PTPRE: variants seen among roughly 807,000 people sequenced by gnomAD.
PTPRE encodes the protein protein tyrosine phosphatase receptor type E.
A neutral mutation model predicts 102.0 loss-of-function variants in PTPRE; 51 were observed. The ratio of observed to expected loss-of-function variants is 0.50; its 90% confidence interval spans 0.40 to 0.63. PTPRE has a LOEUF of 0.63. PTPRE is among the 30% of genes least tolerant of loss of function. The pLI, the probability that PTPRE is intolerant of heterozygous loss-of-function variation, is 0.00. For missense variants in PTPRE, 752 were observed against 915.1 expected, an observed-to-expected ratio of 0.82 and a Z score of 2.30; for synonymous variants, 345 against 348.2, an observed-to-expected ratio of 0.99 and a Z score of 0.10.
At chr10:127,930,201 C>T (rs966866853) in intron 1 of PTPRE, among the ~76,000 whole-genome samples, 11 of 151,864 alleles carry the variant, frequency 7.2e-5, no homozygotes, top group African/African-American at 2.2e-4. Flanking sequence ...AGTTGTATAA[C>T]CAGTAACACT....
At chr10:128,066,462 G>A (rs559049397) in intron 11 of PTPRE, among the ~76,000 whole-genome samples, 3 of 152,242 alleles carry the variant, frequency 2.0e-5, no homozygotes, top group Non-Finnish European at 4.4e-5. Context: ...AGGAAGACCA[G>A]TCATTGGAGG....
chr10:127,981,939 GA>G (rs1188056618), intron 1 of PTPRE, among the ~76,000 whole-genome samples: 1 of 152,162 alleles, frequency 6.6e-6, no homozygotes. Context: ...CTGGGGGGAG[GA>G]TGGGCTAAAG....
At chr10:127,949,729 G>A (rs551424619) in intron 1 of PTPRE, among the ~76,000 whole-genome samples, 24 of 152,228 alleles carry the variant, frequency 1.6e-4, no homozygotes, top group Middle Eastern at 3.4e-3. Context: ...CTTCTCTCCC[G>A]TAGCCACAGG....
chr10:128,048,341 C>T (rs751933836), intron 5 of PTPRE, among the ~76,000 whole-genome samples: 1 of 152,158 alleles, frequency 6.6e-6, no homozygotes, highest in African/African-American at 2.4e-5. Flanking sequence ...TACAAAGGAA[C>T]ATTGTTTTTC....
intron 1 of PTPRE, among the ~76,000 whole-genome samples, chr10:127,982,018 G>T (rs898402028): frequency 6.6e-6 from 1 of 152,114 alleles, no homozygotes; most frequent in African/African-American, 2.4e-5. Context: ...AGCATCTTGG[G>T]GGCTAGGTCA....
intron 2 of PTPRE, among the ~76,000 whole-genome samples, chr10:128,027,482 T>C (rs540437336): frequency 7.7e-4 from 117 of 152,264 alleles, no homozygotes; most frequent in African/African-American, 2.7e-3. Context: ...AGGAATGCCA[T>C]TTCCCTGCTG....
chr10:127,986,312 G>T (rs1852087933), intron 2 of PTPRE, among the ~76,000 whole-genome samples: 1 of 152,156 alleles, frequency 6.6e-6, no homozygotes, highest in Non-Finnish European at 1.5e-5. Flanking sequence ...AACTCTGTGG[G>T]TCTCTCGCAT....
intron 1 of PTPRE, among the ~76,000 whole-genome samples, chr10:127,918,550 C>T (rs1243404483): frequency 6.9e-6 from 1 of 145,706 alleles, no homozygotes; most frequent in African/African-American, 2.5e-5. Context: ...CAGAGCGAGA[C>T]TCCATCTCAA....
rs527382760 is a variant in PTPRE, at chr10:127,976,416, T to C, written c.-30-5858T>C. Among the ~76,000 whole-genome samples the C allele has an allele frequency of 2.7e-4, 41 of 152,288 alleles. 1 individual carries two copies. The highest frequency in any genetic ancestry group is 9.4e-4 in the African/African-American group (39 of 41,564). On this transcript the variant is annotated intron_variant, in intron 1 of 20. Coordinates refer to ENST00000254667, the MANE Select transcript of PTPRE (RefSeq NM_006504.6). The stretch of plus-strand genomic sequence containing the variant: ...TGCATGTTTCCTAATCCAAAGAGGG[T>C]GCCTCAACCGTGGAGTAATTAGAGA...
chr10:128,068,305 G>C lies in PTPRE; in HGVS notation c.1007+19G>C, dbSNP rs772858616. The C allele has an allele frequency of 6.2e-7, 1 of 1,601,320 alleles. No homozygotes were observed. Among genetic ancestry groups the C allele is most frequent in the Non-Finnish European group, 8.5e-7 (1 of 1,171,776 alleles). On this transcript the variant is annotated intron_variant, in intron 12 of 20. Coordinates refer to ENST00000254667, the MANE Select transcript of PTPRE (RefSeq NM_006504.6). ...ACTGTAGGTACGCTGTGGGGGCCAC[G>C]GGGCGGGACCCTCAAGGGCAGGCCA...
chr10:128,018,218 C>T (rs551279248), intron 2 of PTPRE, among the ~76,000 whole-genome samples: 4 of 152,126 alleles, frequency 2.6e-5, no homozygotes, highest in African/African-American at 9.7e-5. Flanking sequence ...TTCTGAAACT[C>T]GGCATCCTCT....
intron 1 of PTPRE, among the ~76,000 whole-genome samples, chr10:127,950,475 C>T (rs1005626590): frequency 2.0e-5 from 3 of 152,126 alleles, no homozygotes; most frequent in Admixed American, 6.5e-5. Flanking sequence ...AAACCAACTC[C>T]CACACACTAG....
At chr10:128,069,655 G>A in intron 12 of PTPRE, 37 bp from the exon 13 acceptor site, 1 of 1,612,120 alleles carries the variant, frequency 6.2e-7, no homozygotes, top group Non-Finnish European at 8.5e-7. Flanking sequence ...CGGGAGGAGT[G>A]TGACTCACGA....
intron 16 of PTPRE, 43 bp downstream of exon 16, chr10:128,072,257 C>T (rs778358201): frequency 2.7e-6 from 4 of 1,507,422 alleles, no homozygotes; most frequent in African/African-American, 1.4e-5. Context: ...GATGTGTTTC[C>T]TTCACATGTG....
intron 1 of PTPRE, among the ~76,000 whole-genome samples, chr10:127,910,655 G>A (rs1225115195): frequency 2.0e-5 from 3 of 152,276 alleles, no homozygotes; most frequent in African/African-American, 4.8e-5. Context: ...AGTAATCATC[G>A]CTACTTCCCA....
chr10:128,070,371 C>A lies in PTPRE; in HGVS notation c.1214C>A (p.Ser405Tyr). 6.2e-7 allele frequency: 1 copy of A among 1,614,172 alleles called. No individual in the cohort carries two copies. Among genetic ancestry groups the A allele is most frequent in the Non-Finnish European group, 8.5e-7 (1 of 1,180,032 alleles). Residue 405 changes from serine (S) to tyrosine (Y), a missense_variant, in exon 14 of 21, where the codon TCC becomes TAC. Physicochemically the swap from Ser to Tyr is moderately radical, Grantham distance 144 (BLOSUM62 -2). Coordinates refer to ENST00000254667, the MANE Select transcript of PTPRE (RefSeq NM_006504.6). The surrounding 1 kb of genome is among the most constrained non-coding windows in gnomAD (Gnocchi z 4.8). ...TACGGGGACACAGAGCTGGACGTGT[C>A]CTCCCTGGAGAAGCACCTGCAGACC... is the stretch of plus-strand genomic sequence containing the variant. ...YLYGDTELDV[S>Y]SLEKHLQTMH...
intron 5 of PTPRE, among the ~76,000 whole-genome samples, chr10:128,048,472 G>T (rs1333520096): frequency 6.6e-6 from 1 of 152,178 alleles, no homozygotes; most frequent in Non-Finnish European, 1.5e-5. Flanking sequence ...ACTGTAGTCA[G>T]TTCTATGGTT....
At chr10:127,966,735 G>A (rs1850282913) in intron 1 of PTPRE, among the ~76,000 whole-genome samples, 1 of 152,176 alleles carries the variant, frequency 6.6e-6, no homozygotes, top group Non-Finnish European at 1.5e-5. Context: ...AGGCTGCTCT[G>A]ATGGCAAGAG....
intron 2 of PTPRE, among the ~76,000 whole-genome samples, chr10:128,037,228 A>T (rs554306293): frequency 5.9e-5 from 9 of 152,114 alleles, no homozygotes; most frequent in Non-Finnish European, 1.5e-5. Flanking sequence ...CTCCTCACTC[A>T]TCTTCTCTCA....
Sources: gnomAD v4.1 joint callset for allele counts (sites outside exome capture counted in the v4.1 genomes callset) on GRCh38, gnomAD v4.1.1 for gene constraint, Gnocchi (gnomAD v3.1) non-coding constraint, MANE v1.5 for transcripts, NCBI Gene and HGNC (gene_info 2026-07-23, HGNC 2026-07-21) for gene names.